The following TMEM117 variants were observed in gnomAD, a reference collection of about 807,000 sequenced individuals.
The protein encoded by TMEM117 is transmembrane protein 117.
A neutral mutation model predicts 52.4 loss-of-function variants in TMEM117; 27 were observed. The ratio of observed to expected loss-of-function variants is 0.51; its 90% CI spans 0.38 to 0.71. TMEM117 has a LOEUF of 0.71. Among genes scored for constraint, TMEM117 ranks in the 30% least tolerant of loss-of-function variants. TMEM117 has a pLI of 0.00. For missense variants in TMEM117, 556 were observed against 630.5 expected (o/e 0.88, Z 1.26); for synonymous variants, 215 against 206.3 (o/e 1.04, Z -0.36).
chr12:44,114,309 G>C (rs914532228), intron 3 of TMEM117, among the ~76,000 whole-genome samples: 1 of 151,976 alleles, frequency 6.6e-6, no homozygotes, highest in Non-Finnish European at 1.5e-5. Flanking sequence ...TATCCATCTT[G>C]TGCCTGTTCA....
At chr12:44,072,270 A>T (rs1422078512) in intron 3 of TMEM117, among the ~76,000 whole-genome samples, 1 of 152,070 alleles carries the variant, frequency 6.6e-6, no homozygotes, top group Non-Finnish European at 1.5e-5. Flanking sequence ...CTTTCCCTTT[A>T]CTTTGGATCT....
intron 2 of TMEM117, among the ~76,000 whole-genome samples, chr12:43,898,944 G>A (rs1675785): frequency 0.69 from 104,672 of 152,108 alleles, 40,671 homozygotes; most frequent in East Asian, 0.87. Context: ...GAAAGACAGC[G>A]GTCATTTTCT....
At chr12:44,260,153 T>C (rs930487023) in intron 5 of TMEM117, among the ~76,000 whole-genome samples, 1 of 152,192 alleles carries the variant, frequency 6.6e-6, no homozygotes, top group Admixed American at 6.5e-5. Flanking sequence ...AGACCTGCCT[T>C]GGCCACTAAG....
intron 2 of TMEM117, among the ~76,000 whole-genome samples, chr12:43,903,077 T>G (rs1944330746): frequency 6.6e-6 from 1 of 152,236 alleles, no homozygotes. Flanking sequence ...TGAAATTTAC[T>G]TGATTTTCTA....
At chr12:44,192,670 T>C (rs1284939175) in intron 4 of TMEM117, among the ~76,000 whole-genome samples, 1 of 152,232 alleles carries the variant, frequency 6.6e-6, no homozygotes, top group African/African-American at 2.4e-5. Context: ...AAAATATTAC[T>C]TCATTAAATA....
chr12:44,086,711 A>G (rs1009856834), intron 3 of TMEM117, among the ~76,000 whole-genome samples: 2 of 152,082 alleles, frequency 1.3e-5, no homozygotes, highest in Non-Finnish European at 2.9e-5. Context: ...GCCATTTGCA[A>G]GCAGCTCTTT....
At chr12:44,024,410 T>A (rs1946500710) in intron 3 of TMEM117, among the ~76,000 whole-genome samples, 1 of 152,134 alleles carries the variant, frequency 6.6e-6, no homozygotes. Context: ...CTTATTTCTG[T>A]GATGAGTGGT....
chr12:43,883,939 C>A (rs1276478331), intron 2 of TMEM117, among the ~76,000 whole-genome samples: 1 of 151,792 alleles, frequency 6.6e-6, no homozygotes, highest in Admixed American at 6.6e-5. Flanking sequence ...GAGTATGAGA[C>A]CAGCCTTGGC....
chr12:44,334,350 A>C (rs577201257), intron 6 of TMEM117, among the ~76,000 whole-genome samples: 3 of 152,074 alleles, frequency 2.0e-5, no homozygotes, highest in Non-Finnish European at 4.4e-5. Flanking sequence ...GGAAAATAGC[A>C]TTCATCCTGG....
intron 6 of TMEM117, among the ~76,000 whole-genome samples, chr12:44,304,748 T>C (rs1325815611): frequency 6.6e-6 from 1 of 152,168 alleles, no homozygotes; most frequent in Admixed American, 6.5e-5. Context: ...AAGGACTCAG[T>C]CCTGGCAAGA....
chr12:43,868,464 A>G (rs1330614040), intron 2 of TMEM117, among the ~76,000 whole-genome samples: 1 of 151,760 alleles, frequency 6.6e-6, no homozygotes, highest in East Asian at 2.0e-4. Context: ...AGGCAGGAGA[A>G]TTGCTTGAAC....
At chr12:44,249,477 A>G (rs1277306772) in intron 5 of TMEM117, among the ~76,000 whole-genome samples, 1 of 152,208 alleles carries the variant, frequency 6.6e-6, no homozygotes, top group African/African-American at 2.4e-5. Context: ...TCTTCACAGA[A>G]TTAGAAAAAA....
At chr12:44,291,673 G>A (rs1204905832) in intron 5 of TMEM117, among the ~76,000 whole-genome samples, 1 of 151,664 alleles carries the variant, frequency 6.6e-6, no homozygotes, top group African/African-American at 2.4e-5. Flanking sequence ...CATTTCTTCT[G>A]TACCTTATTA....
At chr12:43,872,060 A>C (rs561227759) in intron 2 of TMEM117, among the ~76,000 whole-genome samples, 12 of 152,192 alleles carry the variant, frequency 7.9e-5, no homozygotes, top group African/African-American at 2.9e-4. Flanking sequence ...TGCTCAGCTA[A>C]TTCCTTTTTT....
intron 4 of TMEM117, among the ~76,000 whole-genome samples, chr12:44,146,044 CT>C (rs760399396): frequency 1.5e-4 from 23 of 152,144 alleles, no homozygotes; most frequent in South Asian, 4.2e-4. Flanking sequence ...TTAAATTAGC[CT>C]TTTTTCTTTT....
intron 3 of TMEM117, among the ~76,000 whole-genome samples, chr12:44,043,942 G>A (rs1308907565): frequency 1.3e-5 from 2 of 152,182 alleles, no homozygotes; most frequent in Non-Finnish European, 2.9e-5. Context: ...GCAGCTCAGG[G>A]AGTTAAAAAA....
chr12:43,915,300 G>A (rs1437445607), intron 2 of TMEM117, among the ~76,000 whole-genome samples: 1 of 152,236 alleles, frequency 6.6e-6, no homozygotes, highest in East Asian at 1.9e-4. Flanking sequence ...CAAGCATTGT[G>A]CCAGGTGGCT....
At chr12:44,332,281 G>C (rs1056188348) in intron 6 of TMEM117, among the ~76,000 whole-genome samples, 1 of 152,020 alleles carries the variant, frequency 6.6e-6, no homozygotes, top group African/African-American at 2.4e-5. Context: ...TCTTCACTTT[G>C]TAAGAATGGA....
chr12:43,977,694 C>A, intron 3 of TMEM117, among the ~76,000 whole-genome samples: 1 of 152,112 alleles, frequency 6.6e-6, no homozygotes, highest in East Asian at 1.9e-4. Context: ...ACACATTCTA[C>A]TGTGGCCTGC....
Sources: gnomAD v4.1 joint callset for allele counts (sites outside exome capture counted in the v4.1 genomes callset) on GRCh38, gnomAD v4.1.1 for gene constraint, MANE v1.5 for transcripts, NCBI Gene and HGNC (gene_info 2026-07-23, HGNC 2026-07-21) for gene names.